Variants in DMD observed in about 807,000 individuals in gnomAD.
DMD encodes mutant dystrophin.
DMD carries 63 observed loss-of-function variants against 330.1 expected under a neutral mutation model. The observed-to-expected ratio is 0.19, with a 90% CI of 0.16 to 0.24. The LOEUF (loss-of-function observed/expected upper bound fraction) is 0.24. Ranked by LOEUF, DMD falls within the 10% of genes least tolerant of loss-of-function variation. The pLI is 1.00. For missense variants in DMD, 3,344 were observed against 2,684.1 expected, an observed-to-expected ratio of 1.25 and a Z score of -5.43; for synonymous variants, 1,223 against 959.8, an observed-to-expected ratio of 1.27 and a Z score of -5.07.
intron 1 of DMD, among the ~76,000 whole-genome samples, chrX:33,269,625 A>G (rs1287755183): frequency 1.8e-5 from 2 of 112,155 alleles, no homozygotes; most frequent in Non-Finnish European, 3.8e-5. Flanking sequence ...CACAGCAAGT[A>G]TCATTATTCG....
In DMD at chrX:32,954,434, C is replaced by A. The variant is rs187113527; in HGVS notation, c.93+65705G>T. On this transcript the variant is annotated intron_variant, in intron 2 of 78. Transcript: ENST00000357033. The stretch of plus-strand genomic sequence containing the variant: ...CACTGTCTTCTCACCCTACACATGG[C>A]CCTTGAAACACTACTAAAACCCACT... Among the ~76,000 whole-genome samples, 166 of 111,850 alleles carry A rather than the reference C, an allele frequency of 1.5e-3. 1 individual carries two copies. The highest frequency in any genetic ancestry group is 4.9e-4 in the Non-Finnish European group (26 of 53,178).
At chrX:31,678,691 C>T (rs775745151) in intron 53 of DMD, among the ~76,000 whole-genome samples, 6 of 111,007 alleles carry the variant, frequency 5.4e-5, no homozygotes, top group Non-Finnish European at 9.4e-5. Flanking sequence ...CTGATACCCA[C>T]TCACCCCCAT....
At chrX:32,715,935 G>GT (rs1478896680) in intron 7 of DMD, among the ~76,000 whole-genome samples, 1 of 111,665 alleles carries the variant, frequency 9.0e-6, no homozygotes, top group Non-Finnish European at 1.9e-5. Context: ...AAAACAAAAA[G>GT]TAACTATGCT....
intron 11 of DMD, among the ~76,000 whole-genome samples, chrX:32,634,955 G>A (rs1197144649): frequency 1.8e-5 from 2 of 111,870 alleles, no homozygotes; most frequent in African/African-American, 6.5e-5. Flanking sequence ...TACCTTTGAA[G>A]TTTATTTAGA....
intron 44 of DMD, among the ~76,000 whole-genome samples, chrX:32,037,071 T>C (rs1158660841): frequency 9.0e-6 from 1 of 111,459 alleles, no homozygotes; most frequent in Non-Finnish European, 1.9e-5. Context: ...CAAATATAGA[T>C]AGGTTGTTTA....
At chrX:32,715,457 CAG>C (rs2065605988) in intron 7 of DMD, among the ~76,000 whole-genome samples, 1 of 67,470 alleles carries the variant, frequency 1.5e-5, no homozygotes, top group Non-Finnish European at 2.5e-5. Flanking sequence ...AGCCTGGTGA[CAG>C]AGATTCCATC....
intron 1 of DMD, chrX:33,128,166 T>A: frequency 8.3e-7 from 1 of 1,207,231 alleles, no homozygotes. Context: ...CCTCAGACAT[T>A]TCAAATTCTG....
rs1361969125 is a variant in DMD, at chrX:31,622,877, T to TATATATATAC, written c.8217+4795_8217+4796insGTATATATAT. On this transcript the variant is annotated intron_variant, in intron 55 of 78. Coordinates refer to ENST00000357033, the MANE Select transcript of DMD (RefSeq NM_004006.3). ...ATATATATATATATATATATATATATACACACACACACACACACACACACA... is the reference window on the plus strand; with the variant it reads ...ATATATATATATATATATATATATATATATATATACACACACACACACACACACACACACA... 3.7e-4 allele frequency among the ~76,000 whole-genome samples: 26 copies of TATATATATAC among 70,301 alleles called. No individual in the cohort carries two copies. The East Asian group carries it at 3.7e-3, about 10-fold the overall frequency. The allele number at this position is 70,301 out of a possible 115,157, so 61.0% of individuals were successfully genotyped here.
intron 55 of DMD, among the ~76,000 whole-genome samples, chrX:31,555,973 C>T (rs958278428): frequency 1.8e-5 from 2 of 111,424 alleles, no homozygotes; most frequent in Non-Finnish European, 3.8e-5. Context: ...TGGTAGTATA[C>T]TTGAAGGCCA....
At chrX:32,667,194 C>A (rs2061358798) in intron 9 of DMD, among the ~76,000 whole-genome samples, 1 of 111,396 alleles carries the variant, frequency 9.0e-6, no homozygotes, top group African/African-American at 3.3e-5. Context: ...TAGAACTCCT[C>A]ATGCGTAGAA....
intron 13 of DMD, among the ~76,000 whole-genome samples, chrX:32,578,910 A>C (rs2053352847): frequency 8.9e-6 from 1 of 111,905 alleles, no homozygotes. Flanking sequence ...TTCTCTGCTA[A>C]ATGAATTTTA....
intron 7 of DMD, among the ~76,000 whole-genome samples, chrX:32,764,571 C>T (rs1383263418): frequency 9.0e-6 from 1 of 111,275 alleles, no homozygotes; most frequent in South Asian, 3.7e-4. Flanking sequence ...CTGGCTTTTT[C>T]CCCTTAGCAT....
intron 2 of DMD, among the ~76,000 whole-genome samples, chrX:32,865,003 G>C (rs1284992693): frequency 9.0e-6 from 1 of 111,623 alleles, no homozygotes; most frequent in African/African-American, 3.3e-5. Flanking sequence ...ATTCGGTGTA[G>C]TTGTAAGTTA....
At chrX:33,315,832 G>T (rs2053924747) in intron 1 of DMD, among the ~76,000 whole-genome samples, 1 of 110,795 alleles carries the variant, frequency 9.0e-6, no homozygotes, top group Non-Finnish European at 1.9e-5. Flanking sequence ...TCATTACTAT[G>T]CCTACAACAG....
At chrX:32,058,912 C>T (rs1238836027) in intron 44 of DMD, among the ~76,000 whole-genome samples, 1 of 111,191 alleles carries the variant, frequency 9.0e-6, no homozygotes, top group Non-Finnish European at 1.9e-5. Context: ...ATCATTCTGC[C>T]ACAAAAAGGA....
chrX:31,510,498 T>C (rs2071382981), intron 55 of DMD, among the ~76,000 whole-genome samples: 1 of 105,028 alleles, frequency 9.5e-6, no homozygotes, highest in Admixed American at 1.1e-4. Flanking sequence ...AATTGAATTC[T>C]GACTGCTCTT....
chrX:33,320,146 T>C (rs1483250779), intron 1 of DMD, among the ~76,000 whole-genome samples: 1 of 111,450 alleles, frequency 9.0e-6, no homozygotes. Context: ...TCAATGAAAA[T>C]TTTCTCTGAA....
At chrX:32,050,165 CTT>C (rs1342201470) in intron 44 of DMD, among the ~76,000 whole-genome samples, 2 of 111,272 alleles carry the variant, frequency 1.8e-5, no homozygotes, top group African/African-American at 3.3e-5. Flanking sequence ...TTCATAGACT[CTT>C]GATTTTATTT....
In DMD at chrX:32,547,743, T is replaced by C. The variant is rs755898642; in HGVS notation, c.1993-2409A>G. On this transcript the variant is annotated intron_variant, in intron 16 of 78. Transcript: ENST00000357033. ...GACAGGAGAGGGACTACGAAGGCCA[T>C]TTAACATGACCTCCTGATTATTACA... 7.2e-5 allele frequency among the ~76,000 whole-genome samples: 8 copies of C among 111,096 alleles called. No homozygotes were observed. In the Admixed American group the frequency reaches 7.7e-4, roughly 11 times the overall value.
Sources: gnomAD v4.1 joint callset for allele counts (sites outside exome capture counted in the v4.1 genomes callset) on GRCh38, gnomAD v4.1.1 for gene constraint, MANE v1.5 for transcripts, NCBI Gene and HGNC (gene_info 2026-07-23, HGNC 2026-07-21) for gene names.